TRHDE: variants seen among roughly 807,000 people sequenced by gnomAD.
The protein encoded by TRHDE is thyrotropin-releasing hormone-degrading ectoenzyme.
In TRHDE, 72 loss-of-function variants were observed where a neutral mutation model predicts 125.7. The observed-to-expected ratio is 0.57, with a 90% CI of 0.47 to 0.70. TRHDE has a LOEUF of 0.70. Among genes scored for constraint, TRHDE ranks in the 30% least tolerant of loss-of-function variants. The pLI is 0.00. For synonymous variants in TRHDE, 509 were observed against 509.1 expected (o/e 1.00, Z 0.00); for missense variants, 1,110 against 1,327.1 (o/e 0.84, Z 2.54).
At chr12:72,633,311 T>C (rs1873576925) in intron 15 of TRHDE, among the ~76,000 whole-genome samples, 1 of 152,024 alleles carries the variant, frequency 6.6e-6, no homozygotes, top group Non-Finnish European at 1.5e-5. Flanking sequence ...TTTGCAAACA[T>C]GCAAAATTAA....
chr12:72,234,737 TCTA>T (rs962676999), intron 2 of TRHDE, among the ~76,000 whole-genome samples: 2 of 152,136 alleles, frequency 1.3e-5, no homozygotes, highest in African/African-American at 4.8e-5. Context: ...TTAAAAAAAA[TCTA>T]CTTTGTCTTA....
intron 2 of TRHDE, among the ~76,000 whole-genome samples, chr12:72,371,398 A>G (rs1871579524): frequency 6.6e-6 from 1 of 150,784 alleles, no homozygotes; most frequent in South Asian, 2.1e-4. Flanking sequence ...ATTTATTTTT[A>G]TTATTATTAT....
intron 2 of TRHDE, among the ~76,000 whole-genome samples, chr12:72,198,530 T>C (rs2139353289): frequency 6.6e-6 from 1 of 152,274 alleles, no homozygotes; most frequent in East Asian, 1.9e-4. Flanking sequence ...ACGGCCTGCT[T>C]TTTTAACTCA....
intron 2 of TRHDE, among the ~76,000 whole-genome samples, chr12:72,327,905 C>T (rs1335097742): frequency 6.6e-6 from 1 of 152,168 alleles, no homozygotes; most frequent in Non-Finnish European, 1.5e-5. Flanking sequence ...TTGTCTCACA[C>T]ACATTTCCTC....
At chr12:72,117,191 T>C (rs1251431699) in intron 2 of TRHDE, among the ~76,000 whole-genome samples, 2 of 152,170 alleles carry the variant, frequency 1.3e-5, no homozygotes, top group Non-Finnish European at 2.9e-5. Flanking sequence ...TGTTTTCTTT[T>C]AGTAGTTTTA....
chr12:72,441,810 G>T (rs904847783), intron 3 of TRHDE, among the ~76,000 whole-genome samples: 2 of 151,840 alleles, frequency 1.3e-5, no homozygotes, highest in African/African-American at 4.8e-5. Flanking sequence ...GTAAGAAATA[G>T]AAATGAACAA....
chr12:72,145,330 G>T (rs1049465993), intron 2 of TRHDE, among the ~76,000 whole-genome samples: 1 of 152,016 alleles, frequency 6.6e-6, no homozygotes, highest in South Asian at 2.1e-4. Flanking sequence ...ACAGAGATCC[G>T]CATACTACCA....
rs114828935 is a variant in TRHDE, at chr12:72,213,943, A to G, written n.279+108191A>G. ...AGTATGCTAAAATTCCAAATTAAAA[A>G]TAAAACACAAGCTGCAAAGTGAATG... On this transcript the variant is annotated intron_variant and non_coding_transcript_variant, in intron 2 of 4. Coordinates refer to the TRHDE transcript ENST00000548156. 5.7e-3 allele frequency among the ~76,000 whole-genome samples: 862 copies of G among 152,272 alleles called. 9 individuals are homozygous for G. Among genetic ancestry groups the G allele is most frequent in the African/African-American group, 0.02 (833 of 41,574 alleles).
intron 2 of TRHDE, among the ~76,000 whole-genome samples, chr12:72,253,307 A>T (rs527355857): frequency 2.8e-4 from 42 of 152,214 alleles, no homozygotes; most frequent in Admixed American, 7.2e-4. Flanking sequence ...TCATCTGCAC[A>T]CAGGGACTAT....
chr12:72,387,993 G>T (rs1872496042), intron 3 of TRHDE, among the ~76,000 whole-genome samples: 1 of 151,860 alleles, frequency 6.6e-6, no homozygotes, highest in Admixed American at 6.6e-5. Context: ...TCTTTCCTTG[G>T]CTTGCAAGAC....
intron 7 of TRHDE, 124 bp from the exon 8 acceptor site, chr12:72,562,041 T>A (rs1870202189): frequency 5.8e-6 from 3 of 516,134 alleles, no homozygotes; most frequent in South Asian, 5.5e-5. Flanking sequence ...AGATTATTTA[T>A]CTTTTTTATG....
intron 1 of TRHDE, among the ~76,000 whole-genome samples, chr12:72,090,332 C>T (rs1355629555): frequency 6.6e-6 from 1 of 152,014 alleles, no homozygotes; most frequent in Admixed American, 6.6e-5. Flanking sequence ...TGGCACTGAA[C>T]AAAATGATGC....
intron 1 of TRHDE, among the ~76,000 whole-genome samples, chr12:72,102,516 A>C (rs1875091769): frequency 6.6e-6 from 1 of 152,208 alleles, no homozygotes; most frequent in East Asian, 1.9e-4. Context: ...CGCTAACCTT[A>C]ACCCTAAATT....
At chr12:72,187,728 C>T (rs1877256531) in intron 2 of TRHDE, among the ~76,000 whole-genome samples, 1 of 152,164 alleles carries the variant, frequency 6.6e-6, no homozygotes, top group Admixed American at 6.5e-5. Context: ...TAATGTTTTA[C>T]CAGCTATCTG....
chr12:72,148,875 A>T (rs757080136), intron 2 of TRHDE, among the ~76,000 whole-genome samples: 15 of 152,222 alleles, frequency 9.9e-5, no homozygotes, highest in Admixed American at 2.0e-4. Flanking sequence ...AGAACAAAGT[A>T]TGTCAGTATG....
chr12:72,146,029 G>A lies in TRHDE; in HGVS notation n.279+40277G>A, dbSNP rs180754833. Among the ~76,000 whole-genome samples, 14 of 152,114 alleles carry A rather than the reference G, an allele frequency of 9.2e-5. No individual in the cohort carries two copies. In the East Asian group the frequency reaches 2.1e-3, roughly 23 times the overall value. ...TTTTAAAATTCTTATCTCCTACTAG[G>A]CATTTCTCACTACTAGAAATGTGTC... On this transcript the variant is annotated intron_variant and non_coding_transcript_variant, in intron 2 of 4. Transcript: ENST00000548156.
At chr12:72,385,414 C>T (rs1872368326) in intron 3 of TRHDE, among the ~76,000 whole-genome samples, 1 of 151,972 alleles carries the variant, frequency 6.6e-6, no homozygotes, top group Admixed American at 6.6e-5. Context: ...AAGGGGCTAA[C>T]CTTTTCCGCC....
At chr12:72,270,255 G>A (rs1879165867), upstream of TRHDE, among the ~76,000 whole-genome samples, 1 of 152,098 alleles carries the variant, frequency 6.6e-6, no homozygotes, top group South Asian at 2.1e-4. Context: ...CATTTCCCTT[G>A]GTCTGTTGCT....
chr12:72,219,229 A>T (rs1877956398), intron 2 of TRHDE, among the ~76,000 whole-genome samples: 1 of 151,674 alleles, frequency 6.6e-6, no homozygotes, highest in Non-Finnish European at 1.5e-5. Flanking sequence ...AAACTGATTT[A>T]TCTATCAATT....
Sources: gnomAD v4.1 joint callset for allele counts (sites outside exome capture counted in the v4.1 genomes callset) on GRCh38, gnomAD v4.1.1 for gene constraint, MANE v1.5 for transcripts, NCBI Gene and HGNC (gene_info 2026-07-23, HGNC 2026-07-21) for gene names.